Variants in CLASP1 observed in about 807,000 individuals in gnomAD.
CLASP1 encodes the protein cytoplasmic linker associated protein 1.
In CLASP1, 38 loss-of-function variants were observed where a neutral mutation model predicts 192.3. The observed-to-expected ratio is 0.20, with a 90% CI of 0.15 to 0.26. The LOEUF is 0.26. Among genes scored for constraint, CLASP1 ranks in the 10% least tolerant of loss-of-function variants. CLASP1 has a pLI of 1.00. For missense variants in CLASP1, 1,433 were observed against 1,932.5 expected, an observed-to-expected ratio of 0.74 and a Z score of 4.85; for synonymous variants, 691 against 712.8, an observed-to-expected ratio of 0.97 and a Z score of 0.49.
At chr2:121,479,173 C>T (rs189446094) in intron 8 of CLASP1, among the ~76,000 whole-genome samples, 8 of 150,100 alleles carry the variant, frequency 5.3e-5, no homozygotes, top group South Asian at 2.1e-4. Flanking sequence ...TTGTGGTAGA[C>T]GTGCTAGCCA....
At chr2:121,461,642 G>A (rs1478527748) in intron 10 of CLASP1, among the ~76,000 whole-genome samples, 1 of 152,110 alleles carries the variant, frequency 6.6e-6, no homozygotes, top group Non-Finnish European at 1.5e-5. Flanking sequence ...TGTATGCTGG[G>A]AAGGTCAGGT....
At chr2:121,566,533 T>G (rs573169478) in intron 2 of CLASP1, among the ~76,000 whole-genome samples, 1 of 152,354 alleles carries the variant, frequency 6.6e-6, no homozygotes, top group South Asian at 2.1e-4. Context: ...CCAAGATGTC[T>G]GCAAACAGGA....
rs80160066 is a variant in CLASP1, at chr2:121,585,503, G to A, written c.195+20198C>T. Among the ~76,000 whole-genome samples, 1,098 of 152,072 alleles carry A rather than the reference G, an allele frequency of 7.2e-3. 13 individuals carry two copies. Among genetic ancestry groups the A allele is most frequent in the African/African-American group, 0.024 (1,008 of 41,460 alleles). ...TGCCAGCGTTCCCATTTCTAGGACC[G>A]CATCCCCTGCCCTAAACAGGGTATA... is the stretch of plus-strand genomic sequence containing the variant. On this transcript the variant is annotated intron_variant, in intron 2 of 39. Transcript: ENST00000263710.
chr2:121,408,974 C>T, intron 24 of CLASP1: 1 of 1,494,512 alleles, frequency 6.7e-7, no homozygotes, highest in Admixed American at 2.1e-5. Flanking sequence ...AAGAAATATA[C>T]TTGCAACAGG....
chr2:121,648,680 G>C (rs1292727396), intron 1 of CLASP1, among the ~76,000 whole-genome samples: 1 of 152,198 alleles, frequency 6.6e-6, no homozygotes, highest in Non-Finnish European at 1.5e-5. Flanking sequence ...TCGTCAGAGC[G>C]TCTCTGCCAA....
At chr2:121,473,355 T>C (rs79667574) in intron 8 of CLASP1, among the ~76,000 whole-genome samples, 5,638 of 152,186 alleles carry the variant, frequency 0.037, 156 homozygotes, top group East Asian at 0.14. Context: ...CTAGACATTG[T>C]AGAAGTAAAG....
At chr2:121,500,513 G>GAAAGA (rs1034548618) in intron 8 of CLASP1, among the ~76,000 whole-genome samples, 3 of 151,774 alleles carry the variant, frequency 2.0e-5, no homozygotes, top group African/African-American at 7.3e-5. Context: ...AAAGGTGAAA[G>GAAAGA]AAAGAAAAGA....
intron 12 of CLASP1, 129 bp from the exon 13 acceptor site, chr2:121,459,104 T>C (rs2087304128): frequency 1.7e-6 from 1 of 602,554 alleles, no homozygotes. Flanking sequence ...ATTTCCGATG[T>C]GCATGTTAAG....
chr2:121,606,868 C>A (rs968891071), intron 1 of CLASP1, among the ~76,000 whole-genome samples: 1 of 152,156 alleles, frequency 6.6e-6, no homozygotes, highest in Non-Finnish European at 1.5e-5. Context: ...GACAGCCTGG[C>A]CAACATGGTG....
intron 8 of CLASP1, among the ~76,000 whole-genome samples, chr2:121,476,517 C>T (rs1421647205): frequency 6.6e-6 from 1 of 152,170 alleles, no homozygotes; most frequent in African/African-American, 2.4e-5. Flanking sequence ...AAAATTTAAA[C>T]ACTCATCTAT....
At chr2:121,628,885 TC>T (rs1367799223) in intron 1 of CLASP1, among the ~76,000 whole-genome samples, 2 of 133,830 alleles carry the variant, frequency 1.5e-5, no homozygotes, top group East Asian at 4.3e-4. Context: ...AGACTCCATC[TC>T]AAAAAAAAAA....
exon 2 of CLASP1, chr2:121,605,871 G>A (rs1038692117): frequency 1.2e-6 from 2 of 1,613,870 alleles, no homozygotes; most frequent in African/African-American, 2.7e-5. Context: ...ACCTGCGCCA[G>A]GCAGGACTCC....
chr2:121,645,758 T>A (rs2073063885), intron 1 of CLASP1, among the ~76,000 whole-genome samples: 1 of 152,180 alleles, frequency 6.6e-6, no homozygotes, highest in African/African-American at 2.4e-5. Context: ...GGAAGAAATG[T>A]CACCATTTGA....
intron 25 of CLASP1, 49 bp downstream of exon 26, chr2:121,407,422 G>C: frequency 6.2e-7 from 1 of 1,605,122 alleles, no homozygotes; most frequent in Non-Finnish European, 8.5e-7. Flanking sequence ...CCCCTGAAGA[G>C]TCCAACAGGA....
intron 37 of CLASP1, among the ~76,000 whole-genome samples, chr2:121,349,328 G>A (rs966584153): frequency 6.6e-6 from 1 of 152,180 alleles, no homozygotes; most frequent in African/African-American, 2.4e-5. Flanking sequence ...GAACCTGTTA[G>A]AAATGCAACT....
intron 1 of CLASP1, among the ~76,000 whole-genome samples, chr2:121,619,688 CAG>C (rs2067008772): frequency 6.6e-6 from 1 of 152,194 alleles, no homozygotes; most frequent in African/African-American, 2.4e-5. Flanking sequence ...AAAATCCTCT[CAG>C]ATATTTTAAA....
chr2:121,591,383 A>G (rs2062383454), intron 2 of CLASP1, among the ~76,000 whole-genome samples: 2 of 152,096 alleles, frequency 1.3e-5, no homozygotes, highest in African/African-American at 4.8e-5. Flanking sequence ...CCCTAATGAC[A>G]TTACTCAAAT....
At chr2:121,622,347 G>C (rs936897790) in intron 1 of CLASP1, among the ~76,000 whole-genome samples, 1 of 151,748 alleles carries the variant, frequency 6.6e-6, no homozygotes, top group Non-Finnish European at 1.5e-5. Flanking sequence ...GAGGCAGGTG[G>C]ATCACTTGAA....
At chr2:121,348,636 A>T (rs747835336) in exon 38 of CLASP1, 1 of 1,613,916 alleles carries the variant, frequency 6.2e-7, no homozygotes, top group Non-Finnish European at 8.5e-7. Flanking sequence ...CGTCTGGATG[A>T]TGGGGCAGAG....
Sources: allele counts gnomAD v4.1 joint callset (sites outside exome capture counted in the v4.1 genomes callset), GRCh38; gene constraint gnomAD v4.1.1; transcripts MANE v1.5; gene names NCBI Gene and HGNC (gene_info 2026-07-23, HGNC 2026-07-21).